NPIPA5: variants seen among roughly 807,000 people sequenced by gnomAD.
NPIPA5 encodes the protein nuclear pore complex interacting protein family member A5.
Under a neutral mutation model 21.4 loss-of-function variants are expected in NPIPA5, and 6 were observed. The ratio of observed to expected loss-of-function variants is 0.28; its 90% confidence interval spans 0.15 to 0.55. The LOEUF (loss-of-function observed/expected upper bound fraction) is 0.55. NPIPA5 is among the 20% of genes least tolerant of loss of function. The pLI, the probability that NPIPA5 is intolerant of heterozygous loss-of-function variation, is 0.93. For missense variants in NPIPA5, 99 were observed against 318.2 expected, an observed-to-expected ratio of 0.31 and a Z score of 5.24; for synonymous variants, 33 against 115.3, an observed-to-expected ratio of 0.29 and a Z score of 4.57.
chr16:15,379,730 G>T (rs570722587), upstream of NPIPA5, among the ~76,000 whole-genome samples: 1 of 151,920 alleles, frequency 6.6e-6, no homozygotes, highest in East Asian at 1.9e-4. Flanking sequence ...GGCGGATCAC[G>T]AGGTTAGGGG....
chr16:15,376,879 C>T (rs1474248227), intron 1 of NPIPA5, among the ~76,000 whole-genome samples: 1 of 152,074 alleles, frequency 6.6e-6, no homozygotes. Flanking sequence ...GAGGCTGAGG[C>T]AGGACAATTG....
At chr16:15,370,836 C>T (rs990078347) in intron 2 of NPIPA5, among the ~76,000 whole-genome samples, 1 of 147,946 alleles carries the variant, frequency 6.8e-6, no homozygotes, top group African/African-American at 2.5e-5. Context: ...GAATCACGGT[C>T]CAGAGATGGA....
rs1293529941 is a variant in NPIPA5, at chr16:15,370,760, A to C, written c.193-641T>G. Reference sequence around the variant, plus strand: ...AATTCAAACTCTGTCTCAAAAAAAAAAAAAAATAGGCCAGGTGCGGTAGCT... The same window carrying C: ...AATTCAAACTCTGTCTCAAAAAAAACAAAAAATAGGCCAGGTGCGGTAGCT... On this transcript the variant is annotated intron_variant, in intron 2 of 7. Transcript: ENST00000360151. 2.0e-5 allele frequency among the ~76,000 whole-genome samples: 3 copies of C among 146,774 alleles called. No homozygotes were observed. The East Asian group carries it at 6.1e-4, about 30-fold the overall frequency.
chr16:15,371,112 G>A (rs2050146623), intron 2 of NPIPA5, among the ~76,000 whole-genome samples: 1 of 143,364 alleles, frequency 7.0e-6, no homozygotes, highest in Non-Finnish European at 1.5e-5. Flanking sequence ...AACATGGTTA[G>A]ATGGTAATTA....
chr16:15,370,509 T>C (rs2050124519), intron 2 of NPIPA5, among the ~76,000 whole-genome samples: 1 of 146,856 alleles, frequency 6.8e-6, no homozygotes, highest in African/African-American at 2.5e-5. Context: ...CCCAGTACTT[T>C]GGGAGGCCGA....
intron 1 of NPIPA5, among the ~76,000 whole-genome samples, chr16:15,377,781 G>C (rs1443741920): frequency 6.7e-6 from 1 of 149,950 alleles, no homozygotes; most frequent in African/African-American, 2.5e-5. Flanking sequence ...TCAAGCGCTG[G>C]TGGAAGGTTT....
intron 1 of NPIPA5, among the ~76,000 whole-genome samples, chr16:15,376,841 G>A (rs976949234): frequency 6.6e-6 from 1 of 152,178 alleles, no homozygotes; most frequent in East Asian, 1.9e-4. Flanking sequence ...ACAAAAATTA[G>A]CCAGGCATTG....
chr16:15,378,997 A>G (rs915788470), upstream of NPIPA5, among the ~76,000 whole-genome samples: 2 of 147,554 alleles, frequency 1.4e-5, no homozygotes, highest in Non-Finnish European at 3.0e-5. Context: ...GCAGGTGGGC[A>G]GGACCCAGGG....
At chr16:15,365,389 G>GATA in intron 7 of NPIPA5, 40 bp downstream of exon 7, 2 of 817,842 alleles carry the variant, frequency 2.4e-6, no homozygotes, top group Non-Finnish European at 3.7e-6. Context: ...TCCTGACCTG[G>GATA]CAGACTATGT....
rs571662868 is a variant in NPIPA5, at chr16:15,367,373, C to T, written c.438-613G>A. Among the ~76,000 whole-genome samples, 193 of 152,178 alleles carry T rather than the reference C, an allele frequency of 1.3e-3. 1 individual carries two copies. Among genetic ancestry groups the T allele is most frequent in the African/African-American group, 4.4e-3 (183 of 41,466 alleles). ...CTGAAAAGGCAATCTGAATGCTGGG[C>T]GCATCTATTGAATTAGAAATGATGG... is the stretch of plus-strand genomic sequence containing the variant. On this transcript the variant is annotated intron_variant, in intron 4 of 7. Coordinates refer to ENST00000360151, the MANE Select transcript of NPIPA5 (RefSeq NM_001277325.2).
upstream of NPIPA5, chr16:15,381,092 G>C (rs532219686): frequency 1.9e-6 from 3 of 1,539,504 alleles, no homozygotes; most frequent in African/African-American, 2.7e-5. Context: ...CAACCTATTA[G>C]ACAATTTTAA....
intron 4 of NPIPA5, among the ~76,000 whole-genome samples, chr16:15,367,356 G>T (rs1238862745): frequency 6.6e-6 from 1 of 152,102 alleles, no homozygotes; most frequent in Non-Finnish European, 1.5e-5. Context: ...TCCTGAAAAG[G>T]CAATCTGAAT....
In NPIPA5 at chr16:15,375,937, G is replaced by GA. The variant is rs531844567; in HGVS notation, c.64-2095dup. On this transcript the variant is annotated intron_variant, in intron 1 of 7. Transcript: ENST00000360151. ...CCTCAGGATTTAACTATATATTCTTGAAAACATCTCAATTTTAAATGTTTC... is the reference window on the plus strand; with the variant it reads ...CCTCAGGATTTAACTATATATTCTTGAAAAACATCTCAATTTTAAATGTTTC... Among the ~76,000 whole-genome samples, 334 of 150,206 alleles carry GA rather than the reference G, an allele frequency of 2.2e-3. 3 individuals carry two copies. Among genetic ancestry groups the GA allele is most frequent in the African/African-American group, 7.9e-3 (325 of 41,238 alleles).
At chr16:15,375,593 T>A (rs2150878261) in intron 1 of NPIPA5, among the ~76,000 whole-genome samples, 1 of 148,228 alleles carries the variant, frequency 6.7e-6, no homozygotes, top group Non-Finnish European at 1.5e-5. Context: ...ATACAAAAAA[T>A]TAGCAGGGCA....
intron 2 of NPIPA5, among the ~76,000 whole-genome samples, chr16:15,371,645 G>A (rs981825451): frequency 2.1e-5 from 3 of 140,978 alleles, no homozygotes; most frequent in African/African-American, 7.7e-5. Context: ...TGGGATTACA[G>A]GTGCCTGCTA....
upstream of NPIPA5, among the ~76,000 whole-genome samples, chr16:15,379,043 C>A (rs906955642): frequency 6.6e-6 from 1 of 151,434 alleles, no homozygotes; most frequent in African/African-American, 2.4e-5. Context: ...CTGTCCATCA[C>A]CTTTCCTGGC....
upstream of NPIPA5, chr16:15,381,523 C>T (rs939675643): frequency 1.0e-5 from 9 of 902,452 alleles, no homozygotes; most frequent in Admixed American, 6.2e-5. Flanking sequence ...AGGCCTTGTC[C>T]GCGGCAGGTG....
chr16:15,376,281 C>T (rs1320793056), intron 1 of NPIPA5, among the ~76,000 whole-genome samples: 1 of 147,052 alleles, frequency 6.8e-6, no homozygotes, highest in African/African-American at 2.5e-5. Flanking sequence ...GTAATCCCAA[C>T]ACTTTGGGAG....
intron 2 of NPIPA5, among the ~76,000 whole-genome samples, chr16:15,370,634 C>G (rs907051392): frequency 1.3e-4 from 18 of 142,306 alleles, no homozygotes; most frequent in Non-Finnish European, 1.5e-5. Flanking sequence ...GCCTGTAATC[C>G]CAGCTAGTCG....
Sources: allele counts gnomAD v4.1 joint callset (sites outside exome capture counted in the v4.1 genomes callset), GRCh38; gene constraint gnomAD v4.1.1; transcripts MANE v1.5; gene names NCBI Gene and HGNC (gene_info 2026-07-23, HGNC 2026-07-21).